The following DIRAS2 variants were observed in gnomAD, a reference collection of about 807,000 sequenced individuals.
DIRAS2 encodes the protein DIRAS family GTPase 2, also known as GTP-binding protein Di-Ras2.
Under a neutral mutation model 13.9 loss-of-function variants are expected in DIRAS2, and 5 were observed. The observed-to-expected ratio is 0.36, with a 90% confidence interval of 0.19 to 0.76. The LOEUF (loss-of-function observed/expected upper bound fraction) is 0.76, where lower values mean the gene tolerates loss of function less well. Among genes scored for constraint, DIRAS2 ranks in the 30% least tolerant of loss-of-function variants. DIRAS2 has a pLI of 0.53. For synonymous variants in DIRAS2, 111 were observed against 105.4 expected, an observed-to-expected ratio of 1.05 and a Z score of -0.33; for missense variants, 191 against 263.0, an observed-to-expected ratio of 0.73 and a Z score of 1.89.
intron 1 of DIRAS2, among the ~76,000 whole-genome samples, chr9:90,625,366 C>A (rs1825258708): frequency 1.3e-5 from 2 of 152,126 alleles, no homozygotes; most frequent in African/African-American, 4.8e-5. Context: ...GTTTCTCATG[C>A]TTTTGGTGTC....
chr9:90,636,623 T>A (rs1465566753), intron 1 of DIRAS2, among the ~76,000 whole-genome samples: 2 of 152,166 alleles, frequency 1.3e-5, no homozygotes, highest in Non-Finnish European at 2.9e-5. Flanking sequence ...AAGCATAAAT[T>A]GAATGGTAGT....
chr9:90,641,645 T>A (rs1391658979), intron 1 of DIRAS2, among the ~76,000 whole-genome samples: 3 of 152,098 alleles, frequency 2.0e-5, no homozygotes, highest in Non-Finnish European at 4.4e-5. Flanking sequence ...AATTTTATCC[T>A]CCCCTTTTCT....
At chr9:90,624,935 A>G (rs1187163814) in intron 1 of DIRAS2, among the ~76,000 whole-genome samples, 2 of 152,132 alleles carry the variant, frequency 1.3e-5, no homozygotes, top group Non-Finnish European at 2.9e-5. Flanking sequence ...CCGCTTAATG[A>G]CACTTTTAAG....
intron 1 of DIRAS2, among the ~76,000 whole-genome samples, chr9:90,628,920 T>A (rs1825297671): frequency 6.6e-6 from 1 of 151,914 alleles, no homozygotes; most frequent in Non-Finnish European, 1.5e-5. Context: ...AGTGGCGCAA[T>A]CTCGGCTCAC....
intron 1 of DIRAS2, among the ~76,000 whole-genome samples, chr9:90,619,572 C>T (rs370168810): frequency 2.0e-5 from 3 of 152,170 alleles, no homozygotes; most frequent in South Asian, 4.1e-4. Context: ...AGCATTTGAA[C>T]CTTTGTGCAT....
chr9:90,621,749 G>T (rs1204483552), intron 1 of DIRAS2, among the ~76,000 whole-genome samples: 1 of 152,166 alleles, frequency 6.6e-6, no homozygotes, highest in Non-Finnish European at 1.5e-5. Context: ...GGCACTTATT[G>T]TTTGAATAAC....
rs1825120600 is a variant in DIRAS2 at position 90,612,147 on chromosome 9, A to G, written c.*1081T>C. The G allele has an allele frequency of 1.3e-5, 2 of 152,800 alleles. No homozygotes were observed. Among genetic ancestry groups the G allele is most frequent in the East Asian group, 1.9e-4 (1 of 5,182 alleles). The allele number at this position is 152,800 out of a possible 1,614,324, so 9.5% of individuals were successfully genotyped here. ...ATTTAAATGCATTTTCCAGGAACAT[A>G]TTTCCAATACAGATAGATCATCAAA... On this transcript the variant is annotated 3_prime_UTR_variant, in exon 2 of 2. Transcript: ENST00000375765.
intron 1 of DIRAS2, among the ~76,000 whole-genome samples, chr9:90,638,236 C>T (rs762828118): frequency 9.2e-5 from 14 of 152,002 alleles, no homozygotes; most frequent in Non-Finnish European, 1.8e-4. Flanking sequence ...GGAATTTAAA[C>T]TAGCATTTAA....
At chr9:90,615,921 A>G (rs1032485939) in intron 1 of DIRAS2, among the ~76,000 whole-genome samples, 2 of 152,236 alleles carry the variant, frequency 1.3e-5, no homozygotes, top group Non-Finnish European at 2.9e-5. Flanking sequence ...AAAATGGACA[A>G]TGGAATCTAA....
At chr9:90,614,187 TTAAC>T (rs369230949) in intron 1 of DIRAS2, among the ~76,000 whole-genome samples, 13 of 152,084 alleles carry the variant, frequency 8.5e-5, no homozygotes, top group South Asian at 2.1e-4. Context: ...AGAAGATAAA[TTAAC>T]TACCCCCGTA....
intron 1 of DIRAS2, among the ~76,000 whole-genome samples, chr9:90,628,522 T>TACACAC (rs71360439): frequency 6.6e-4 from 98 of 149,264 alleles, no homozygotes; most frequent in South Asian, 4.1e-3. Context: ...ACAAAATTTA[T>TACACAC]ACACACACAC....
rs1203843500 is a variant in DIRAS2, at chr9:90,610,734, T to C, written c.*2494A>G. Reference sequence around the variant, plus strand: ...CCATTGATATCCTCAGTTCAGCTCATAGAAAACGATCTCAAAATGAAGACC... The same window carrying C: ...CCATTGATATCCTCAGTTCAGCTCACAGAAAACGATCTCAAAATGAAGACC... On this transcript the variant is annotated 3_prime_UTR_variant, in exon 2 of 2. Transcript: ENST00000375765. 2.2e-5 allele frequency: 6 copies of C among 275,822 alleles called. No individual in the cohort carries two copies. Among genetic ancestry groups the C allele is most frequent in the East Asian group, 5.9e-5 (1 of 16,852 alleles). 17.1% of individuals were successfully genotyped at this position (275,822 alleles called of 1,614,324 possible). A position where few individuals can be genotyped will look rare whatever the true frequency, so the allele number is the denominator to read the frequency against.
At position 90,613,330 on chromosome 9, in the gene DIRAS2, G is replaced by A; in HGVS notation, c.498C>T (p.Leu166=). The part of the protein sequence containing the change: ...HNVKELFQEL[L]NLEKRRTVSL... ...TCACGGTCCTGCGCTTCTCCAGGTTGAGCAGCTCCTGGAAAAGCTCCTTCA... is the reference window on the plus strand; with the variant it reads ...TCACGGTCCTGCGCTTCTCCAGGTTAAGCAGCTCCTGGAAAAGCTCCTTCA... The change falls in exon 2 of 2, where the codon CTC becomes CTT. Residue 166 remains leucine (L), a synonymous_variant. Coordinates refer to ENST00000375765, the MANE Select transcript of DIRAS2 (RefSeq NM_017594.5). The surrounding 1 kb of genome is among the most constrained non-coding windows in gnomAD (Gnocchi z 5.6). The A allele has an allele frequency of 6.2e-7, 1 of 1,614,004 alleles. No homozygotes were observed. Among genetic ancestry groups the A allele is most frequent in the Non-Finnish European group, 8.5e-7 (1 of 1,180,012 alleles).
chr9:90,627,729 T>C (rs1303514224), intron 1 of DIRAS2, among the ~76,000 whole-genome samples: 1 of 152,236 alleles, frequency 6.6e-6, no homozygotes. Flanking sequence ...TGACTGTATG[T>C]ATAAACATTT....
intron 1 of DIRAS2, among the ~76,000 whole-genome samples, chr9:90,626,440 T>TG: frequency 1.0e-5 from 1 of 96,630 alleles, no homozygotes; most frequent in Non-Finnish European, 2.6e-5. Flanking sequence ...ACCCCATTTC[T>TG]TAAAAAAAAA....
At chr9:90,641,377 C>G (rs891036158) in intron 1 of DIRAS2, among the ~76,000 whole-genome samples, 2 of 152,244 alleles carry the variant, frequency 1.3e-5, no homozygotes, top group South Asian at 2.1e-4. Flanking sequence ...AGCAATACCC[C>G]CTCCTTTCTC....
In DIRAS2 at chr9:90,612,984, C is replaced by T. The variant is rs1317316846; in HGVS notation, c.*244G>A. 2 of 531,072 alleles carry T rather than the reference C, an allele frequency of 3.8e-6. No individual in the cohort carries two copies. Among genetic ancestry groups the T allele is most frequent in the African/African-American group, 3.8e-5 (2 of 52,540 alleles). The allele number at this position is 531,072 out of a possible 1,614,324, so 32.9% of individuals were successfully genotyped here. A position where few individuals can be genotyped will look rare whatever the true frequency, so the allele number is the denominator to read the frequency against. ...ACCTTCAGCAATTGCTGGCACCTCT[C>T]AGTTCCCAGGGATGCTGAGTGTGTT... On this transcript the variant is annotated 3_prime_UTR_variant, in exon 2 of 2. Coordinates refer to ENST00000375765, the MANE Select transcript of DIRAS2 (RefSeq NM_017594.5).
Position 90,613,240 on chromosome 9 carries a change from G to A in DIRAS2, c.588C>T (p.Cys196=). ...GCAGGAAGGGCCTTCACATGATCAC[G>A]CACTTGCCTTTGAGCTTCTCTTTCC... ...QKRKEKLKGK[C]VIM Residue 196 remains cysteine, a synonymous_variant, in exon 2 of 2, where the codon TGC becomes TGT. Coordinates refer to ENST00000375765, the MANE Select transcript of DIRAS2 (RefSeq NM_017594.5). The surrounding 1 kb of genome is among the most constrained non-coding windows in gnomAD (Gnocchi z 5.6). 6.2e-7 allele frequency: 1 copy of A among 1,612,876 alleles called. No individual in the cohort carries two copies. Among genetic ancestry groups the A allele is most frequent in the South Asian group, 1.1e-5 (1 of 90,934 alleles).
intron 1 of DIRAS2, among the ~76,000 whole-genome samples, chr9:90,640,371 C>T (rs557467887): frequency 6.3e-4 from 96 of 152,194 alleles, no homozygotes; most frequent in African/African-American, 4.8e-5. Context: ...AGTCCTTCCC[C>T]GTCAGTGAGG....
Sources: allele counts gnomAD v4.1 joint callset (sites outside exome capture counted in the v4.1 genomes callset), GRCh38; gene constraint gnomAD v4.1.1; non-coding constraint Gnocchi (gnomAD v3.1); transcripts MANE v1.5; gene names NCBI Gene and HGNC (gene_info 2026-07-23, HGNC 2026-07-21).